The following ZNF23 variants were observed in gnomAD, a reference collection of about 807,000 sequenced individuals.
ZNF23 encodes zinc finger protein 23.
A neutral mutation model predicts 56.2 loss-of-function variants in ZNF23; 48 were observed. The observed-to-expected ratio is 0.85, with a 90% confidence interval of 0.68 to 1.09. The LOEUF is 1.09. ZNF23 is among the 50% of genes least tolerant of loss of function. The probability of loss-of-function intolerance (pLI) is 0.00; values close to 1 mark genes in which losing one functional copy is unlikely to be tolerated. For synonymous variants in ZNF23, 266 were observed against 283.3 expected (o/e 0.94, Z 0.61); for missense variants, 805 against 811.4 (o/e 0.99, Z 0.10).
At position 71,448,463 on chromosome 16, in the gene ZNF23, CTAGT is replaced by C. The variant is rs757467133; in HGVS notation, c.1687_1690del (p.Thr563GlyfsTer55). 3.8e-5 allele frequency: 62 copies of C among 1,614,030 alleles called. No homozygotes were observed. Among genetic ancestry groups the C allele is most frequent in the Admixed American group, 1.5e-4 (9 of 60,006 alleles). The stretch of plus-strand genomic sequence containing the variant: ...CTCCCCAGTATGTATCCTCTGATGC[CTAGT>C]TAGTTTGGCATTGATACTGAAGGCT... On this transcript the variant is annotated frameshift_variant, in exon 5 of 5. Coordinates refer to ENST00000647773, the MANE Select transcript of ZNF23 (RefSeq NM_001381984.1). LOFTEE classifies it high-confidence loss of function.
rs149936973 is a variant in ZNF23, at chr16:71,450,273, C to T, written c.269-388G>A. 794 of 165,750 alleles carry T rather than the reference C, an allele frequency of 4.8e-3. 19 individuals carry two copies. The highest frequency in any genetic ancestry group is 1.3e-3 in the Non-Finnish European group (101 of 77,394). 10.3% of individuals were successfully genotyped at this position (165,750 alleles called of 1,614,324 possible). On this transcript the variant is annotated intron_variant, in intron 4 of 4. Coordinates refer to ENST00000647773, the MANE Select transcript of ZNF23 (RefSeq NM_001381984.1). Reference sequence around the variant, plus strand: ...TGGCATAGGAAGTTTAGTGGACTTGCTTCCCTACTTTATACACTTTCTGTA... The same window carrying T: ...TGGCATAGGAAGTTTAGTGGACTTGTTTCCCTACTTTATACACTTTCTGTA...
intron 1 of ZNF23, among the ~76,000 whole-genome samples, chr16:71,459,526 C>G (rs1426988629): frequency 6.6e-6 from 1 of 152,282 alleles, no homozygotes; most frequent in Admixed American, 6.5e-5. Context: ...CTACAAAAGG[C>G]TTTTTTCCCA....
chr16:71,450,479 G>A, intron 4 of ZNF23: 1 of 266,088 alleles, frequency 3.8e-6, no homozygotes, highest in Non-Finnish European at 7.5e-6. Context: ...AACACTTTGG[G>A]AGGCTGAAGC....
At chr16:71,454,841 C>A (rs570938091) in intron 2 of ZNF23, among the ~76,000 whole-genome samples, 1 of 152,188 alleles carries the variant, frequency 6.6e-6, no homozygotes, top group Admixed American at 6.5e-5. Context: ...GCAGGGAGAC[C>A]GGCCTTCCCA....
intron 1 of ZNF23, among the ~76,000 whole-genome samples, chr16:71,457,664 G>A (rs1437625636): frequency 2.6e-5 from 4 of 152,106 alleles, no homozygotes; most frequent in Non-Finnish European, 2.9e-5. Flanking sequence ...GGTCAAGGCT[G>A]CAGTGAGCCA....
At chr16:71,453,501 G>A in intron 3 of ZNF23, 151 bp from the exon 4 acceptor site, 1 of 604,136 alleles carries the variant, frequency 1.7e-6, no homozygotes, top group Non-Finnish European at 2.9e-6. Flanking sequence ...GTACTGTGGG[G>A]CTTAGGAAGG....
intron 2 of ZNF23, among the ~76,000 whole-genome samples, chr16:71,454,758 C>T (rs1201054119): frequency 1.3e-5 from 2 of 152,200 alleles, no homozygotes; most frequent in African/African-American, 2.4e-5. Flanking sequence ...TTTTCCTTAC[C>T]CTCTCCCATT....
chr16:71,451,687 G>A (rs2043061244), intron 4 of ZNF23: 1 of 152,188 alleles, frequency 6.6e-6, no homozygotes. Context: ...ATAAATTTCT[G>A]TTGTTTATAA....
intron 1 of ZNF23, among the ~76,000 whole-genome samples, chr16:71,460,141 G>C (rs927464611): frequency 4.6e-5 from 7 of 152,140 alleles, no homozygotes; most frequent in Non-Finnish European, 1.0e-4. Context: ...AAATGCAGTA[G>C]GCAAACAGCC....
chr16:71,456,597 C>T (rs1003735628), intron 2 of ZNF23, 167 bp downstream of exon 2: 5 of 645,436 alleles, frequency 7.7e-6, no homozygotes, highest in South Asian at 1.4e-4. Context: ...TTCCTCCACT[C>T]GCTACTGTCC....
intron 4 of ZNF23, 110 bp from the exon 5 acceptor site, chr16:71,449,995 A>T (rs1207030725): frequency 1.2e-6 from 1 of 833,618 alleles, no homozygotes; most frequent in Non-Finnish European, 1.8e-6. Flanking sequence ...AAATCACCAG[A>T]CTAGGTCAAA....
At chr16:71,456,383 C>T (rs1021101840) in intron 2 of ZNF23, among the ~76,000 whole-genome samples, 1 of 152,168 alleles carries the variant, frequency 6.6e-6, no homozygotes, top group African/African-American at 2.4e-5. Context: ...CCTGCTATTC[C>T]TCTTCTCTAC....
At chr16:71,454,916 G>A (rs2043172966) in intron 2 of ZNF23, among the ~76,000 whole-genome samples, 1 of 152,134 alleles carries the variant, frequency 6.6e-6, no homozygotes, top group Non-Finnish European at 1.5e-5. Flanking sequence ...CACCACTCAG[G>A]GACGCTTCGT....
chr16:71,450,699 A>G, intron 4 of ZNF23: 1 of 425,746 alleles, frequency 2.3e-6, no homozygotes, highest in Non-Finnish European at 4.7e-6. Flanking sequence ...AGTTTGGGCG[A>G]CAGAGCGAGA....
At chr16:71,457,695 A>T (rs1344036844) in intron 1 of ZNF23, among the ~76,000 whole-genome samples, 1 of 152,176 alleles carries the variant, frequency 6.6e-6, no homozygotes, top group African/African-American at 2.4e-5. Flanking sequence ...ACTGCACTCC[A>T]GCCTGGGTGA....
At chr16:71,453,526 G>A (rs2043126309) in intron 3 of ZNF23, 176 bp from the exon 4 acceptor site, 2 of 563,712 alleles carry the variant, frequency 3.5e-6, no homozygotes, top group Non-Finnish European at 6.3e-6. Context: ...AAGAGACCTT[G>A]GAGACTTCCA....
chr16:71,458,885 C>T (rs963896098), intron 1 of ZNF23, among the ~76,000 whole-genome samples: 6 of 152,236 alleles, frequency 3.9e-5, no homozygotes, highest in Non-Finnish European at 8.8e-5. Flanking sequence ...CAGACTAATA[C>T]AGTTAGGCTG....
intron 1 of ZNF23, among the ~76,000 whole-genome samples, chr16:71,457,527 C>T (rs2043281671): frequency 6.6e-6 from 1 of 151,844 alleles, no homozygotes; most frequent in Non-Finnish European, 1.5e-5. Flanking sequence ...TGCGCCACTG[C>T]ACTCCAGCCT....
chr16:71,451,128 C>A (rs1469660927), intron 4 of ZNF23: 1 of 152,402 alleles, frequency 6.6e-6, no homozygotes, highest in African/African-American at 2.4e-5. Context: ...TTCACTTCTT[C>A]CTCTAATCCT....
Sources: gnomAD v4.1 joint callset for allele counts (sites outside exome capture counted in the v4.1 genomes callset) on GRCh38, gnomAD v4.1.1 for gene constraint, MANE v1.5 for transcripts, NCBI Gene and HGNC (gene_info 2026-07-23, HGNC 2026-07-21) for gene names.